Variants in GSE1 observed in about 807,000 individuals in gnomAD.
GSE1 encodes genetic suppressor element 1.
A neutral mutation model predicts 112.6 loss-of-function variants in GSE1; 32 were observed. That is an observed-to-expected ratio of 0.28 (90% CI 0.21 to 0.38). The LOEUF is 0.38. Among genes scored for constraint, GSE1 ranks in the 10% least tolerant of loss-of-function variants. The pLI, the probability that GSE1 is intolerant of heterozygous loss-of-function variation, is 1.00. For missense variants in GSE1, 2,348 were observed against 1,699.2 expected (o/e 1.38, Z -6.71); for synonymous variants, 1,115 against 735.6 (o/e 1.52, Z -8.35).
At position 85,674,531 on chromosome 16, in the gene GSE1, C is replaced by G. The variant is rs1019167987; in HGVS notation, c.*1992C>G. On this transcript the variant is annotated 3_prime_UTR_variant, in exon 16 of 16. Coordinates refer to ENST00000253458, the MANE Select transcript of GSE1 (RefSeq NM_014615.5). ...CTCACTGGATTTCTCCACTGAAAAC[C>G]TACTTGAGGTTTCTGGTCTGAAGGC... 2.6e-5 allele frequency: 4 copies of G among 152,206 alleles called. No individual in the cohort carries two copies. Among genetic ancestry groups the G allele is most frequent in the African/African-American group, 4.8e-5 (2 of 41,448 alleles). The allele number at this position is 152,206 out of a possible 1,614,324, so 9.4% of individuals were successfully genotyped here.
chr16:85,663,483 C>A lies in GSE1; in HGVS notation c.2513C>A (p.Thr838Lys). ...CCAACAATTCAGAGCAAGCGGCAGACGCCTTCACCGAGACTGGCGCTGTCT... is the reference window on the plus strand; with the variant it reads ...CCAACAATTCAGAGCAAGCGGCAGAAGCCTTCACCGAGACTGGCGCTGTCT... ...SPPTIQSKRQ[T>K]PSPRLALSTR... The change falls in exon 11 of 16, where the codon ACG (threonine) becomes AAG (lysine). Residue 838 changes from threonine (T) to lysine (K), a missense_variant. Thr to Lys is a moderately conservative substitution (Grantham distance 78, BLOSUM62 -1). Transcript: ENST00000253458. 6.2e-7 allele frequency: 1 copy of A among 1,613,892 alleles called. No individual in the cohort carries two copies. The highest frequency in any genetic ancestry group is 1.7e-5 in the Admixed American group (1 of 60,022).
chr16:85,391,669 G>A (rs985610503), intron 2 of GSE1, among the ~76,000 whole-genome samples: 1 of 152,202 alleles, frequency 6.6e-6, no homozygotes, highest in African/African-American at 2.4e-5. Flanking sequence ...GATGACATCT[G>A]CAAAGACCCT....
chr16:85,296,870 C>T (rs1259353186), intron 1 of GSE1, among the ~76,000 whole-genome samples: 2 of 140,124 alleles, frequency 1.4e-5, no homozygotes, highest in Non-Finnish European at 1.5e-5. Context: ...TGCCTGGAGT[C>T]TTGCAGTCTG....
chr16:85,484,751 C>T (rs1052937997), intron 2 of GSE1, among the ~76,000 whole-genome samples: 1 of 152,266 alleles, frequency 6.6e-6, no homozygotes, highest in South Asian at 2.1e-4. Context: ...CAGAGTCCCT[C>T]TCAGCCACTC....
intron 8 of GSE1, among the ~76,000 whole-genome samples, chr16:85,657,831 G>C (rs2052097489): frequency 6.6e-6 from 1 of 152,198 alleles, no homozygotes; most frequent in African/African-American, 2.4e-5. Flanking sequence ...TAAGTAAAGA[G>C]ACCAATCAAG....
At chr16:85,640,586 GTGGGGACTA>G (rs1183880504) in intron 2 of GSE1, among the ~76,000 whole-genome samples, 4 of 152,208 alleles carry the variant, frequency 2.6e-5, no homozygotes, top group African/African-American at 9.7e-5. Context: ...ACCTGAGTGA[GTGGGGACTA>G]CGTGTGCGGG....
At chr16:85,176,353 A>G (rs554467853) in intron 1 of GSE1, among the ~76,000 whole-genome samples, 1 of 152,286 alleles carries the variant, frequency 6.6e-6, no homozygotes, top group Admixed American at 6.5e-5. Flanking sequence ...AGCCTCTAGA[A>G]CATCTCAGGG....
At chr16:85,214,212 C>T (rs1362508485) in intron 1 of GSE1, among the ~76,000 whole-genome samples, 1 of 152,208 alleles carries the variant, frequency 6.6e-6, no homozygotes, top group Non-Finnish European at 1.5e-5. Flanking sequence ...GGAGGCACCA[C>T]CTCGGGGAAG....
chr16:85,554,792 A>AGGACGGACGGGC (rs2045114545), upstream of GSE1: 1 of 595,084 alleles, frequency 1.7e-6, no homozygotes, highest in Non-Finnish European at 1.9e-6. Flanking sequence ...GGAGGGAGGG[A>AGGACGGACGGGC]GGACGGACGG....
chr16:85,565,196 C>T (rs1351011171), intron 1 of GSE1, among the ~76,000 whole-genome samples: 1 of 152,014 alleles, frequency 6.6e-6, no homozygotes, highest in Non-Finnish European at 1.5e-5. Context: ...TCAAGACCAG[C>T]CTGACCAACA....
Position 85,663,423 on chromosome 16 carries a change from G to T in GSE1, c.2453G>T (p.Arg818Leu). The T allele has an allele frequency of 6.2e-7, 1 of 1,613,860 alleles. No individual in the cohort carries two copies. The highest frequency in any genetic ancestry group is 1.1e-5 in the South Asian group (1 of 91,070). The part of the protein sequence containing the change: ...EELVAQKRRK[R>L]RRMLRERSPS... ...TTGGTGGCCCAGAAGCGGAGGAAGC[G>T]GCGGAGGATGCTGCGAGAGAGAAGC... The change falls in exon 11 of 16, where the codon CGG (arginine) becomes CTG (leucine). Residue 818 changes from arginine (R) to leucine (L), a missense_variant. By Grantham distance (102) the Arg-to-Leu change is moderately radical (BLOSUM62 -2). Transcript: ENST00000253458.
chr16:85,579,803 G>A (rs890558749), intron 1 of GSE1, among the ~76,000 whole-genome samples: 9 of 152,182 alleles, frequency 5.9e-5, no homozygotes, highest in South Asian at 2.1e-4. Context: ...CTGAAAGATC[G>A]TCTAGGCTTG....
At chr16:85,661,935 C>T (rs767334703) in intron 9 of GSE1, among the ~76,000 whole-genome samples, 170 bp downstream of exon 9, 9 of 152,180 alleles carry the variant, frequency 5.9e-5, no homozygotes, top group Non-Finnish European at 1.0e-4. Flanking sequence ...ATGACACCCT[C>T]GTAGGGGAGG....
chr16:85,302,221 C>G (rs549746390), intron 1 of GSE1, among the ~76,000 whole-genome samples: 1 of 152,208 alleles, frequency 6.6e-6, no homozygotes, highest in Admixed American at 6.5e-5. Context: ...CTCTAATCTT[C>G]GCTTGGCGGT....
chr16:85,365,192 C>T (rs570929540), intron 2 of GSE1, among the ~76,000 whole-genome samples: 10 of 152,318 alleles, frequency 6.6e-5, no homozygotes, highest in African/African-American at 1.7e-4. Context: ...TCTGAAGTCA[C>T]GCTTGCATCC....
chr16:85,273,943 C>T (rs189596076), intron 1 of GSE1, among the ~76,000 whole-genome samples: 515 of 151,004 alleles, frequency 3.4e-3, no homozygotes, highest in Middle Eastern at 0.027. Context: ...GTGATCCACC[C>T]ACCTCGGCCT....
intron 2 of GSE1, among the ~76,000 whole-genome samples, chr16:85,509,470 T>C (rs1189323259): frequency 6.6e-6 from 1 of 152,192 alleles, no homozygotes; most frequent in Non-Finnish European, 1.5e-5. Flanking sequence ...CCCAGCCAGC[T>C]CCAGAGTACG....
At chr16:85,486,686 CCTCT>C (rs1230559845) in intron 2 of GSE1, among the ~76,000 whole-genome samples, 4 of 152,154 alleles carry the variant, frequency 2.6e-5, no homozygotes, top group Admixed American at 1.3e-4. Context: ...GCCGTCCCGC[CCTCT>C]CTCCTGCCGC....
At chr16:85,300,033 C>G (rs1245079541) in intron 1 of GSE1, among the ~76,000 whole-genome samples, 1 of 148,206 alleles carries the variant, frequency 6.7e-6, no homozygotes, top group Non-Finnish European at 1.5e-5. Flanking sequence ...TTTTTTGAGA[C>G]ACAGTTTTGC....
Sources: allele counts gnomAD v4.1 joint callset (sites outside exome capture counted in the v4.1 genomes callset), GRCh38; gene constraint gnomAD v4.1.1; transcripts MANE v1.5; gene names NCBI Gene and HGNC (gene_info 2026-07-23, HGNC 2026-07-21).